The following STX11 variants were observed in gnomAD, a reference collection of about 807,000 sequenced individuals.
STX11 encodes syntaxin-11.
A neutral mutation model predicts 19.9 loss-of-function variants in STX11; 21 were observed. The ratio of observed to expected loss-of-function variants is 1.06; its 90% CI spans 0.75 to 1.52. STX11 has a LOEUF of 1.52. Ranked by LOEUF, STX11 falls within the 40% of genes most tolerant of loss-of-function variation. The pLI, the probability that STX11 is intolerant of heterozygous loss-of-function variation, is 0.00. For missense variants in STX11, 438 were observed against 405.9 expected (o/e 1.08, Z -0.68); for synonymous variants, 193 against 174.4 (o/e 1.11, Z -0.84).
intron 1 of STX11, among the ~76,000 whole-genome samples, chr6:144,158,286 A>G (rs945742086): frequency 3.3e-5 from 5 of 152,308 alleles, no homozygotes; most frequent in Admixed American, 2.6e-4. Context: ...CTTGCTTTTC[A>G]TTTAAATTCT....
intron 1 of STX11, among the ~76,000 whole-genome samples, chr6:144,178,445 C>T (rs570234567): frequency 6.6e-6 from 1 of 152,220 alleles, no homozygotes; most frequent in Non-Finnish European, 1.5e-5. Context: ...CAGAAAGCAT[C>T]TGAAAGCATA....
At chr6:144,157,608 AG>A (rs1362845151) in intron 1 of STX11, among the ~76,000 whole-genome samples, 1 of 152,196 alleles carries the variant, frequency 6.6e-6, no homozygotes, top group Non-Finnish European at 1.5e-5. Context: ...TTGACCAGAG[AG>A]CAAGAAGACA....
At chr6:144,181,495 T>C (rs1237005351) in intron 1 of STX11, among the ~76,000 whole-genome samples, 6 of 146,194 alleles carry the variant, frequency 4.1e-5, no homozygotes. Flanking sequence ...CATGGGAGGC[T>C]GAGGCAGGAG....
In STX11 at chr6:144,187,256, G is replaced by C; in HGVS notation, c.629G>C (p.Arg210Pro). Residue 210 changes from arginine (R) to proline (P), a missense_variant, in exon 2 of 2, where the codon CGC becomes CCC. Coordinates refer to ENST00000367568, the MANE Select transcript of STX11 (RefSeq NM_003764.4). This position sits in a 1 kb window ranked among gnomAD's most constrained non-coding sequence, Gnocchi z 5.6. Reference protein sequence around the residue: ...ARAALNEIESRHRELLRLESR... With the variant: ...ARAALNEIESPHRELLRLESR... ...GCCGCCCTCAACGAGATCGAGAGCC[G>C]CCACCGCGAACTGCTGCGCCTGGAG... 6.2e-7 allele frequency: 1 copy of C among 1,613,618 alleles called. No individual in the cohort carries two copies. The highest frequency in any genetic ancestry group is 8.5e-7 in the Non-Finnish European group (1 of 1,179,954).
the STX11 span, among the ~76,000 whole-genome samples, chr6:144,141,017 T>C: frequency 2.6e-5 from 4 of 152,240 alleles, no homozygotes; most frequent in Admixed American, 2.0e-4. Context: ...TATATTCTGT[T>C]TGTGCTTTTC....
chr6:144,140,444 G>T, the STX11 span, among the ~76,000 whole-genome samples: 1 of 151,338 alleles, frequency 6.6e-6, no homozygotes, highest in Non-Finnish European at 1.5e-5. Context: ...TAGTAGAGAT[G>T]GGGTTTCGCC....
In STX11 at chr6:144,187,650, C is replaced by T; in HGVS notation, c.*159C>T. On this transcript the variant is annotated 3_prime_UTR_variant, in exon 2 of 2. Coordinates refer to ENST00000367568, the MANE Select transcript of STX11 (RefSeq NM_003764.4). This position sits in a 1 kb window ranked among gnomAD's most constrained non-coding sequence, Gnocchi z 5.6. ...CCAGGTTCAAGAATTGCAAACCAGC[C>T]TGTGCTTGGAAAGATGGTTAGTTGA... The T allele has an allele frequency of 1.1e-6, 1 of 951,570 alleles. No individual in the cohort carries two copies. Among genetic ancestry groups the T allele is most frequent in the Non-Finnish European group, 1.6e-6 (1 of 630,982 alleles). The allele number at this position is 951,570 out of a possible 1,614,324, so 58.9% of individuals were successfully genotyped here.
chr6:144,169,664 C>G lies in STX11; in HGVS notation c.-5-16959C>G, dbSNP rs1801575477. 1.4e-5 allele frequency among the ~76,000 whole-genome samples: 1 copy of G among 69,772 alleles called. No homozygotes were observed. Among genetic ancestry groups the G allele is most frequent in the South Asian group, 3.7e-4 (1 of 2,696 alleles). The allele number at this position is 69,772 out of a possible 152,430, so 45.8% of individuals were successfully genotyped here. A position where few individuals can be genotyped will look rare whatever the true frequency, so the allele number is the denominator to read the frequency against. On this transcript the variant is annotated intron_variant, in intron 1 of 1. Transcript: ENST00000367568. The surrounding 1 kb of genome is among the most constrained non-coding windows in gnomAD (Gnocchi z 5.2). ...TCCTTTTCTTTTCCCTCCCTCCCTC[C>G]CTTCCTTCCTTCCTTCCTTCCTTCT...
chr6:144,187,713 C>T lies in STX11; in HGVS notation c.*222C>T, dbSNP rs1436944439. On this transcript the variant is annotated 3_prime_UTR_variant, in exon 2 of 2. Transcript: ENST00000367568. This position sits in a 1 kb window ranked among gnomAD's most constrained non-coding sequence, Gnocchi z 5.6. Reference sequence around the variant, plus strand: ...ATTCTTCAGTAAAGATAGATTCCCACAAAGTTGTGCAATGTCATTATATGA... The same window carrying T: ...ATTCTTCAGTAAAGATAGATTCCCATAAAGTTGTGCAATGTCATTATATGA... The T allele has an allele frequency of 6.2e-6, 4 of 647,548 alleles. No homozygotes were observed. Among genetic ancestry groups the T allele is most frequent in the East Asian group, 5.5e-5 (2 of 36,094 alleles). The allele number at this position is 647,548 out of a possible 1,614,324, so 40.1% of individuals were successfully genotyped here.
Position 144,182,227 on chromosome 6 carries a change from G to A in STX11, c.-5-4396G>A, listed in dbSNP as rs1454833075. Among the ~76,000 whole-genome samples, 1 of 152,182 alleles carries A rather than the reference G, an allele frequency of 6.6e-6. No individual in the cohort carries two copies. Among genetic ancestry groups the A allele is most frequent in the Non-Finnish European group, 1.5e-5 (1 of 68,038 alleles). On this transcript the variant is annotated intron_variant, in intron 1 of 1. Coordinates refer to ENST00000367568, the MANE Select transcript of STX11 (RefSeq NM_003764.4). The surrounding 1 kb of genome is among the most constrained non-coding windows in gnomAD (Gnocchi z 4.8). ...TCTATATTTTTGTATAACTTCAGTA[G>A]TGTATACACTTTTAACCTTTTTGGA...
Position 144,190,636 on chromosome 6 carries a change from T to G in STX11, c.*3145T>G, listed in dbSNP as rs1338311075. On this transcript the variant is annotated 3_prime_UTR_variant, in exon 2 of 2. Transcript: ENST00000367568. ...GTTTTCACTATGGCATTTCTATCCC[T>G]GTGTATATCCAAACATGTCCTGAAG... 1.3e-5 allele frequency among the ~76,000 whole-genome samples: 2 copies of G among 152,130 alleles called. No homozygotes were observed. The highest frequency in any genetic ancestry group is 6.5e-5 in the Admixed American group (1 of 15,276).
the STX11 span, among the ~76,000 whole-genome samples, chr6:144,143,274 A>G: frequency 2.6e-5 from 4 of 152,140 alleles, no homozygotes; most frequent in Non-Finnish European, 5.9e-5. Flanking sequence ...TTCTGTCAGG[A>G]TTGTAGTTAT....
rs2128756929 is a variant in STX11 at position 144,186,882 on chromosome 6, C to T, written c.255C>T (p.Asp85=). 1 of 1,612,436 alleles carries T rather than the reference C, an allele frequency of 6.2e-7. No homozygotes were observed. ...GGCGCCTCAGCAGCATCAAGCGCGACACCAACTCCATCGCCAAGGCCATCA... is the reference window on the plus strand; with the variant it reads ...GGCGCCTCAGCAGCATCAAGCGCGATACCAACTCCATCGCCAAGGCCATCA... ...SMRRLSSIKR[D]TNSIAKAIKA... The change falls in exon 2 of 2, where the codon GAC becomes GAT. Residue 85 remains aspartate, a synonymous_variant. Transcript: ENST00000367568.
At chr6:144,142,335 A>AT in the STX11 span, among the ~76,000 whole-genome samples, 1 of 152,114 alleles carries the variant, frequency 6.6e-6, no homozygotes. Context: ...GCTTCAAGGG[A>AT]TAAAAACTGT....
rs56129660 is a variant in STX11 at position 144,190,909 on chromosome 6, C to A, written c.*3418C>A. ...CACCAGGCAGTGGGTGAAATGCTGG[C>A]TTTTTCCTTAAGAAATTGTGTTCTA... On this transcript the variant is annotated 3_prime_UTR_variant, in exon 2 of 2. Transcript: ENST00000367568. 2.8e-4 allele frequency among the ~76,000 whole-genome samples: 43 copies of A among 152,180 alleles called. No homozygotes were observed. Among genetic ancestry groups the A allele is most frequent in the African/African-American group, 1.0e-3 (42 of 41,520 alleles).
rs1264263343 is a variant in STX11, at chr6:144,191,373, CAACTT to C, written c.*3885_*3889del. 2.0e-5 allele frequency among the ~76,000 whole-genome samples: 3 copies of C among 150,364 alleles called. No individual in the cohort carries two copies. The highest frequency in any genetic ancestry group is 7.4e-5 in the African/African-American group (3 of 40,654). On this transcript the variant is annotated 3_prime_UTR_variant, in exon 2 of 2. Transcript: ENST00000367568. The stretch of plus-strand genomic sequence containing the variant: ...GTAATTTTATGGCCTTTTAAGGTAA[CAACTT>C]AAAAAGAGAACAGTACTCTTTTTAT...
rs1802214287 is a variant in STX11, at chr6:144,191,883, T to C, written c.*4392T>C. ...TAAGAATGGGCAAGATGTCCTTATA[T>C]ACTAGAAGCTTTTGTAAAGTCATGT... On this transcript the variant is annotated 3_prime_UTR_variant, in exon 2 of 2. Coordinates refer to ENST00000367568, the MANE Select transcript of STX11 (RefSeq NM_003764.4). Among the ~76,000 whole-genome samples, 1 of 152,246 alleles carries C rather than the reference T, an allele frequency of 6.6e-6. No individual in the cohort carries two copies. Among genetic ancestry groups the C allele is most frequent in the African/African-American group, 2.4e-5 (1 of 41,462 alleles).
rs1234098797 is a variant in STX11, at chr6:144,176,804, CAGGCA to C, written c.-5-9818_-5-9814del. On this transcript the variant is annotated intron_variant, in intron 1 of 1. Coordinates refer to ENST00000367568, the MANE Select transcript of STX11 (RefSeq NM_003764.4). This position sits in a 1 kb window ranked among gnomAD's most constrained non-coding sequence, Gnocchi z 4.1. ...TTTTTAAAAAGCAAGGAAGTGTGTCCAGGCATTTTAGAAGAGGATTTCCAACAAAG... is the reference window on the plus strand; with the variant it reads ...TTTTTAAAAAGCAAGGAAGTGTGTCCTTTTAGAAGAGGATTTCCAACAAAG... 2.6e-5 allele frequency among the ~76,000 whole-genome samples: 4 copies of C among 152,038 alleles called. No homozygotes were observed. The highest frequency in any genetic ancestry group is 5.9e-5 in the Non-Finnish European group (4 of 68,018).
intron 1 of STX11, among the ~76,000 whole-genome samples, chr6:144,156,002 CTTTCTTTCTT>C: frequency 7.8e-6 from 1 of 127,458 alleles, no homozygotes; most frequent in Middle Eastern, 3.5e-3. Flanking sequence ...TTCTTTCTTT[CTTTCTTTCTT>C]TCTCTCTTTC....
Sources: gnomAD v4.1 joint callset for allele counts (sites outside exome capture counted in the v4.1 genomes callset) on GRCh38, gnomAD v4.1.1 for gene constraint, Gnocchi (gnomAD v3.1) non-coding constraint, MANE v1.5 for transcripts, NCBI Gene and HGNC (gene_info 2026-07-23, HGNC 2026-07-21) for gene names.